MAP4: variants seen among roughly 807,000 people sequenced by gnomAD.
MAP4 encodes the protein microtubule associated protein 4.
A neutral mutation model predicts 170.2 loss-of-function variants in MAP4; 76 were observed. The ratio of observed to expected loss-of-function variants is 0.45; its 90% CI spans 0.37 to 0.54. MAP4 has a LOEUF of 0.54. MAP4 is among the 20% of genes least tolerant of loss of function. MAP4 has a pLI of 0.00. For missense variants in MAP4, 2,506 were observed against 2,748.0 expected (o/e 0.91, Z 1.97); for synonymous variants, 909 against 994.5 (o/e 0.91, Z 1.62).
At chr3:47,861,816 G>A (rs1328599218) in intron 17 of MAP4, among the ~76,000 whole-genome samples, 1 of 151,796 alleles carries the variant, frequency 6.6e-6, no homozygotes, top group Admixed American at 6.6e-5. Flanking sequence ...CCAAAATCAC[G>A]CCACTGCACT....
chr3:47,958,908 TC>T (rs902328239), intron 3 of MAP4, among the ~76,000 whole-genome samples: 2 of 152,064 alleles, frequency 1.3e-5, no homozygotes, highest in African/African-American at 4.8e-5. Flanking sequence ...GGTCTTGATC[TC>T]TTGACCTCGT....
At chr3:48,048,513 T>A in intron 1 of MAP4, among the ~76,000 whole-genome samples, 1 of 130,442 alleles carries the variant, frequency 7.7e-6, no homozygotes, top group African/African-American at 3.0e-5. Context: ...TATCTTTTTT[T>A]TTTTTTTTTT....
intron 3 of MAP4, among the ~76,000 whole-genome samples, chr3:47,941,781 C>T (rs1260201985): frequency 2.8e-5 from 4 of 142,748 alleles, no homozygotes; most frequent in Admixed American, 7.0e-5. Flanking sequence ...GGCAAGACTC[C>T]GTCTCAAAAA....
At chr3:47,972,037 C>T (rs1255804740) in intron 3 of MAP4, among the ~76,000 whole-genome samples, 1 of 152,182 alleles carries the variant, frequency 6.6e-6, no homozygotes, top group Non-Finnish European at 1.5e-5. Flanking sequence ...GAACAGATTA[C>T]TGAGCTGTTT....
chr3:48,077,738 T>C (rs1001180211), intron 1 of MAP4, among the ~76,000 whole-genome samples: 1 of 152,132 alleles, frequency 6.6e-6, no homozygotes, highest in Non-Finnish European at 1.5e-5. Flanking sequence ...TAAAAGCATA[T>C]CAATCTTCAC....
intron 1 of MAP4, among the ~76,000 whole-genome samples, chr3:48,051,129 T>C (rs992377532): frequency 7.1e-6 from 1 of 140,268 alleles, no homozygotes; most frequent in Non-Finnish European, 1.6e-5. Context: ...CACACACACT[T>C]AGGCTGGCTG....
chr3:47,982,655 GACC>G (rs2100086062), intron 2 of MAP4, among the ~76,000 whole-genome samples: 1 of 152,098 alleles, frequency 6.6e-6, no homozygotes, highest in East Asian at 1.9e-4. Context: ...CAAAAGTTAA[GACC>G]ACTACTTTAG....
chr3:47,954,843 C>A (rs2100066714), intron 3 of MAP4, among the ~76,000 whole-genome samples: 1 of 152,142 alleles, frequency 6.6e-6, no homozygotes, highest in South Asian at 2.1e-4. Flanking sequence ...CTCCTCAGTT[C>A]CTGAATAAAT....
chr3:48,055,632 TG>T (rs2100130702), intron 1 of MAP4, among the ~76,000 whole-genome samples: 1 of 115,946 alleles, frequency 8.6e-6, no homozygotes, highest in Non-Finnish European at 1.8e-5. Context: ...CCACCCCGTC[TG>T]GGAAGTGAGG....
chr3:47,939,449 A>G (rs1577994173), intron 3 of MAP4, among the ~76,000 whole-genome samples: 2 of 152,228 alleles, frequency 1.3e-5, no homozygotes, highest in East Asian at 1.9e-4. Flanking sequence ...TATTCAATAA[A>G]TAAGTTGCTA....
rs372001991 is a variant in MAP4, at chr3:48,046,070, C to T, written c.-20+42703G>A. Among the ~76,000 whole-genome samples, 6 of 151,088 alleles carry T rather than the reference C, an allele frequency of 4.0e-5. No homozygotes were observed. In the East Asian group the frequency reaches 9.7e-4, roughly 24 times the overall value. On this transcript the variant is annotated intron_variant, in intron 1 of 18. Coordinates refer to the MAP4 transcript ENST00000360240. ...CACTAAGTTATTTCGGCTACATATCCAGAGTGTTTTGAATGAGAGCATCAG... is the reference window on the plus strand; with the variant it reads ...CACTAAGTTATTTCGGCTACATATCTAGAGTGTTTTGAATGAGAGCATCAG...
chr3:47,869,376 C>T (rs753407545), intron 15 of MAP4, 49 bp from the exon 16 acceptor site: 20 of 1,285,384 alleles, frequency 1.6e-5, no homozygotes, highest in East Asian at 1.2e-4. Flanking sequence ...AGGATAAGAG[C>T]TCAAAAGCCA....
At chr3:47,857,932 A>C (rs2059322959) in intron 17 of MAP4, among the ~76,000 whole-genome samples, 1 of 150,140 alleles carries the variant, frequency 6.7e-6, no homozygotes. Flanking sequence ...CTGGTCTCGA[A>C]CTCCTGACCT....
At chr3:47,933,351 C>T (rs1474156092) in intron 3 of MAP4, among the ~76,000 whole-genome samples, 2 of 152,106 alleles carry the variant, frequency 1.3e-5, no homozygotes, top group Admixed American at 6.6e-5. Flanking sequence ...AGAATCATTT[C>T]GACTCCGTAA....
chr3:48,021,272 GTTTTAT>G (rs781234267), upstream of MAP4, among the ~76,000 whole-genome samples: 1 of 151,904 alleles, frequency 6.6e-6, no homozygotes, highest in African/African-American at 2.4e-5. Flanking sequence ...AACCTATAAG[GTTTTAT>G]TTTATTTTAA....
rs942272215 is a variant in MAP4, at chr3:47,855,655, C to T, written c.6584-295G>A. On this transcript the variant is annotated intron_variant, in intron 18 of 20. Coordinates refer to ENST00000683076, the MANE Select transcript of MAP4 (RefSeq NM_001385682.1). This position sits in a 1 kb window ranked among gnomAD's most constrained non-coding sequence, Gnocchi z 5.1. ...CCAGGCTTGGGCAGGCCTGGGGCTC[C>T]GAGCACAGCCTCCAGGGCGAAGCCT... Among the ~76,000 whole-genome samples, 1 of 151,904 alleles carries T rather than the reference C, an allele frequency of 6.6e-6. No homozygotes were observed. Among genetic ancestry groups the T allele is most frequent in the African/African-American group, 2.4e-5 (1 of 41,362 alleles).
intron 1 of MAP4, among the ~76,000 whole-genome samples, chr3:48,026,637 A>C (rs1451547704): frequency 1.3e-5 from 2 of 152,156 alleles, no homozygotes; most frequent in African/African-American, 4.8e-5. Context: ...CTTATCTCCA[A>C]ATAAATCTTA....
rs1236204885 is a variant in MAP4, at chr3:47,910,737, C to T, written c.3684G>A (p.Gln1228=). 6.5e-7 allele frequency: 1 copy of T among 1,536,072 alleles called. No individual in the cohort carries two copies. The highest frequency in any genetic ancestry group is 8.7e-7 in the Non-Finnish European group (1 of 1,146,904). ...CTTCCTTCCTCTCCATTCTAGCAGG[C>T]TGTGTGGAATAATTATTTTTAAACT... is the stretch of plus-strand genomic sequence containing the variant. ...SKKFKNNYST[Q]PARMERKEEI... The change falls in exon 9 of 21, where the codon CAG becomes CAA. Residue 1228 remains glutamine, a synonymous_variant. Coordinates refer to ENST00000683076, the MANE Select transcript of MAP4 (RefSeq NM_001385682.1).
At chr3:47,939,926 C>T (rs1578004097) in intron 3 of MAP4, among the ~76,000 whole-genome samples, 1 of 152,112 alleles carries the variant, frequency 6.6e-6, no homozygotes, top group Admixed American at 6.5e-5. Context: ...TCACTGCAAC[C>T]TCCCAGGTTC....
Sources: allele counts gnomAD v4.1 joint callset (sites outside exome capture counted in the v4.1 genomes callset), GRCh38; gene constraint gnomAD v4.1.1; non-coding constraint Gnocchi (gnomAD v3.1); transcripts MANE v1.5; gene names NCBI Gene and HGNC (gene_info 2026-07-23, HGNC 2026-07-21).